ITGA6: variants seen among roughly 807,000 people sequenced by gnomAD.
ITGA6 encodes the protein integrin alpha-6.
A neutral mutation model predicts 133.6 loss-of-function variants in ITGA6; 63 were observed. The observed-to-expected ratio is 0.47, with a 90% CI of 0.38 to 0.58. ITGA6 has a LOEUF of 0.58. Among genes scored for constraint, ITGA6 ranks in the 20% least tolerant of loss-of-function variants. ITGA6 has a pLI of 0.00. For synonymous variants in ITGA6, 434 were observed against 482.0 expected, an observed-to-expected ratio of 0.90 and a Z score of 1.30; for missense variants, 1,068 against 1,309.4, an observed-to-expected ratio of 0.82 and a Z score of 2.85.
Position 172,453,219 on chromosome 2 carries a change from T to A in ITGA6, c.183-12320T>A, listed in dbSNP as rs991957728. 3.5e-4 allele frequency among the ~76,000 whole-genome samples: 52 copies of A among 149,410 alleles called. 2 individuals carry two copies. The highest frequency in any genetic ancestry group is 1.1e-3 in the African/African-American group (47 of 41,138). On this transcript the variant is annotated intron_variant, in intron 1 of 25. Coordinates refer to ENST00000684293, the MANE Select transcript of ITGA6 (RefSeq NM_000210.4). The stretch of plus-strand genomic sequence containing the variant: ...AATTATAATCTAACTGTTACACAAT[T>A]TTTTTTTTTTTAAATCACAGTACAG...
chr2:172,490,905 G>A, intron 20 of ITGA6, 119 bp from the exon 21 acceptor site: 1 of 726,728 alleles, frequency 1.4e-6, no homozygotes, highest in Non-Finnish European at 2.5e-6. Context: ...GCAGGAGAGA[G>A]GCAAATATTG....
At position 172,475,004 on chromosome 2, in the gene ITGA6, C is replaced by T. The variant is rs945887347; in HGVS notation, c.1062C>T (p.Tyr354=). 6.3e-7 allele frequency: 1 copy of T among 1,587,228 alleles called. No individual in the cohort carries two copies. The highest frequency in any genetic ancestry group is 8.7e-7 in the Non-Finnish European group (1 of 1,155,386). ...DGEVGGAVYV[Y]MNQQGRWNNV... ...AAGTTGGAGGTGCAGTGTATGTCTA[C>T]ATGAACCAGCAAGGCAGATGGAATA... The change falls in exon 7 of 26, where the codon TAC becomes TAT. Residue 354 remains tyrosine, a synonymous_variant. Coordinates refer to ENST00000684293, the MANE Select transcript of ITGA6 (RefSeq NM_000210.4).
At chr2:172,444,498 C>T (rs1684669665) in intron 1 of ITGA6, among the ~76,000 whole-genome samples, 1 of 152,142 alleles carries the variant, frequency 6.6e-6, no homozygotes, top group African/African-American at 2.4e-5. Context: ...ACATGACATG[C>T]AAGAGAAACA....
At chr2:172,471,248 G>A (rs1485788966) in intron 5 of ITGA6, 143 bp downstream of exon 5, 3 of 911,958 alleles carry the variant, frequency 3.3e-6, no homozygotes, top group Non-Finnish European at 5.1e-6. Flanking sequence ...AATTTGATAA[G>A]CTTGGTGATC....
Position 172,428,103 on chromosome 2 carries a change from ACCCAGCG to A in ITGA6, c.182+142_182+148del, listed in dbSNP as rs1683938728. On this transcript the variant is annotated intron_variant, in intron 1 of 25. Transcript: ENST00000684293. Reference sequence around the variant, plus strand: ...GTCGCGCCCGGGCCGGCCGAGGCGCACCCAGCGCCCAGCGCGCTCGGCTCCCCGCCCT... The same window carrying A: ...GTCGCGCCCGGGCCGGCCGAGGCGCACCCAGCGCGCTCGGCTCCCCGCCCT... 3.6e-6 allele frequency: 3 copies of A among 833,066 alleles called. No homozygotes were observed. The South Asian group carries it at 1.3e-4, about 37-fold the overall frequency. 51.6% of individuals were successfully genotyped at this position (833,066 alleles called of 1,614,324 possible).
At chr2:172,476,614 G>GT (rs764150673) in intron 9 of ITGA6, 101 bp downstream of exon 9, 3 of 769,100 alleles carry the variant, frequency 3.9e-6, no homozygotes, top group Non-Finnish European at 7.2e-6. Flanking sequence ...TACTTCAAAG[G>GT]TTTATATGAA....
chr2:172,433,752 T>G (rs1264868329), intron 1 of ITGA6, among the ~76,000 whole-genome samples: 1 of 152,216 alleles, frequency 6.6e-6, no homozygotes, highest in Non-Finnish European at 1.5e-5. Flanking sequence ...ACATTCTCCC[T>G]TTCTTCCATT....
chr2:172,458,229 C>T (rs1685292359), intron 1 of ITGA6, among the ~76,000 whole-genome samples: 1 of 150,438 alleles, frequency 6.6e-6, no homozygotes, highest in African/African-American at 2.5e-5. Context: ...GATTACAATG[C>T]ACAAAAATAA....
chr2:172,446,346 A>G (rs1684767536), intron 1 of ITGA6, among the ~76,000 whole-genome samples: 1 of 152,220 alleles, frequency 6.6e-6, no homozygotes, highest in African/African-American at 2.4e-5. Context: ...ACTATTTGAT[A>G]ACAGGTTTTA....
At chr2:172,475,809 T>A (rs1020496530) in intron 8 of ITGA6, 124 bp downstream of exon 8, 8 of 673,756 alleles carry the variant, frequency 1.2e-5, no homozygotes, top group African/African-American at 5.5e-5. Flanking sequence ...ATAGTATAAA[T>A]TTTTTAAAAA....
intron 13 of ITGA6, 42 bp downstream of exon 13, chr2:172,485,306 A>G (rs1158012094): frequency 6.4e-7 from 1 of 1,561,782 alleles, no homozygotes; most frequent in Non-Finnish European, 8.8e-7. Context: ...TTTTTTTGCC[A>G]TTTATGATGC....
At chr2:172,467,437 G>C in intron 2 of ITGA6, 44 bp from the exon 3 acceptor site, 2 of 1,455,298 alleles carry the variant, frequency 1.4e-6, no homozygotes, top group Non-Finnish European at 1.9e-6. Flanking sequence ...ATGGTTTCTA[G>C]CATGTGCAGT....
intron 1 of ITGA6, among the ~76,000 whole-genome samples, chr2:172,439,846 T>C (rs886624524): frequency 6.6e-6 from 1 of 152,190 alleles, no homozygotes; most frequent in African/African-American, 2.4e-5. Context: ...GCCATACACA[T>C]CTTCCGTTTG....
intron 11 of ITGA6, among the ~76,000 whole-genome samples, chr2:172,482,618 CTGTGAGGGGCACTTT>C (rs1686496669): frequency 1.1e-5 from 1 of 89,276 alleles, no homozygotes; most frequent in Non-Finnish European, 2.2e-5. Context: ...CATACTTTTG[CTGTGAGGGGCACTTT>C]TGCTGTGAGG....
intron 1 of ITGA6, among the ~76,000 whole-genome samples, chr2:172,435,481 A>G (rs1345420158): frequency 1.3e-5 from 2 of 152,170 alleles, no homozygotes; most frequent in Non-Finnish European, 2.9e-5. Flanking sequence ...AATGTTTACA[A>G]TTCTACAAGG....
chr2:172,501,183 A>G (rs944007041), intron 24 of ITGA6, among the ~76,000 whole-genome samples: 4 of 152,316 alleles, frequency 2.6e-5, no homozygotes, highest in Admixed American at 6.5e-5. Flanking sequence ...TATGGTGCTC[A>G]GAGTTTGGGA....
At chr2:172,502,965 CT>C (rs3838596) in intron 25 of ITGA6, among the ~76,000 whole-genome samples, 2 of 150,550 alleles carry the variant, frequency 1.3e-5, no homozygotes, top group South Asian at 2.1e-4. Flanking sequence ...GCTTTTTTTT[CT>C]TTTTTTTTGC....
intron 11 of ITGA6, among the ~76,000 whole-genome samples, chr2:172,480,687 A>T (rs1319980817): frequency 6.6e-6 from 1 of 152,218 alleles, no homozygotes; most frequent in East Asian, 1.9e-4. Flanking sequence ...AATGCCTAGT[A>T]GTCATTAGTG....
intron 4 of ITGA6, 49 bp downstream of exon 4, chr2:172,469,429 G>C: frequency 6.4e-7 from 1 of 1,558,598 alleles, no homozygotes; most frequent in Non-Finnish European, 8.9e-7. Context: ...CCTAATTTCT[G>C]TAATATGATT....
Sources: gnomAD v4.1 joint callset for allele counts (sites outside exome capture counted in the v4.1 genomes callset) on GRCh38, gnomAD v4.1.1 for gene constraint, MANE v1.5 for transcripts, NCBI Gene and HGNC (gene_info 2026-07-23, HGNC 2026-07-21) for gene names.